Variants in CADM2 observed in about 807,000 individuals in gnomAD.
CADM2 encodes the protein cell adhesion molecule 2, also known as immunoglobulin superfamily member 4D.
CADM2 carries 12 observed loss-of-function variants against 49.8 expected under a neutral mutation model. The ratio of observed to expected loss-of-function variants is 0.24; its 90% CI spans 0.15 to 0.39. The LOEUF (loss-of-function observed/expected upper bound fraction) is 0.39. Ranked by LOEUF, CADM2 falls within the 10% of genes least tolerant of loss-of-function variation. The pLI is 1.00. For synonymous variants in CADM2, 214 were observed against 175.4 expected (o/e 1.22, Z -1.74); for missense variants, 378 against 492.3 (o/e 0.77, Z 2.20).
At chr3:85,950,393 A>G (rs947160439) in intron 7 of CADM2, among the ~76,000 whole-genome samples, 1 of 151,220 alleles carries the variant, frequency 6.6e-6, no homozygotes, top group Non-Finnish European at 1.5e-5. Context: ...CTCCTTCATG[A>G]TCATAGCAAT....
intron 2 of CADM2, among the ~76,000 whole-genome samples, chr3:85,787,884 C>T (rs1051131035): frequency 6.6e-6 from 1 of 152,044 alleles, no homozygotes; most frequent in Middle Eastern, 3.2e-3. Context: ...TGTGCCAGTC[C>T]TATTGATATT....
intron 1 of CADM2, among the ~76,000 whole-genome samples, chr3:84,963,595 T>C (rs1349923296): frequency 6.6e-6 from 1 of 152,138 alleles, no homozygotes. Context: ...TTTGCCGTGG[T>C]ATATTCTGGT....
At chr3:85,416,411 T>C (rs73136796) in intron 1 of CADM2, among the ~76,000 whole-genome samples, 9,014 of 152,218 alleles carry the variant, frequency 0.059, 429 homozygotes, top group Non-Finnish European at 0.085. Flanking sequence ...CTGAGATCCT[T>C]TGAAATAAAG....
chr3:85,191,874 C>T (rs1431084693), intron 1 of CADM2, among the ~76,000 whole-genome samples: 1 of 151,860 alleles, frequency 6.6e-6, no homozygotes, highest in Non-Finnish European at 1.5e-5. Flanking sequence ...TTTCAGAAGG[C>T]TTCCACATGT....
At chr3:85,850,489 T>A (rs1224881686) in intron 3 of CADM2, among the ~76,000 whole-genome samples, 1 of 151,850 alleles carries the variant, frequency 6.6e-6, no homozygotes, top group Non-Finnish European at 1.5e-5. Flanking sequence ...CACGCTCGGA[T>A]AATTTTTTGT....
At chr3:85,601,294 C>A (rs1037724200) in intron 1 of CADM2, among the ~76,000 whole-genome samples, 1 of 150,016 alleles carries the variant, frequency 6.7e-6, no homozygotes, top group Non-Finnish European at 1.5e-5. Context: ...TATGGCTATA[C>A]ATGAAATATT....
intron 1 of CADM2, among the ~76,000 whole-genome samples, chr3:85,042,602 G>T (rs1014161498): frequency 6.6e-6 from 1 of 151,972 alleles, no homozygotes; most frequent in Non-Finnish European, 1.5e-5. Flanking sequence ...AATTTCAAAG[G>T]AACAATTTAT....
intron 1 of CADM2, among the ~76,000 whole-genome samples, chr3:85,293,345 A>T (rs1028758211): frequency 5.3e-5 from 8 of 151,062 alleles, no homozygotes; most frequent in Non-Finnish European, 7.4e-5. Context: ...TCACAGCCGA[A>T]TTCTACCAGA....
chr3:85,225,114 G>A (rs1325188572), intron 1 of CADM2, among the ~76,000 whole-genome samples: 2 of 152,252 alleles, frequency 1.3e-5, no homozygotes, highest in East Asian at 3.9e-4. Flanking sequence ...GAACTTTAAA[G>A]TAGTTTTCCC....
intron 5 of CADM2, among the ~76,000 whole-genome samples, chr3:85,895,440 GTAAC>G (rs1160769411): frequency 6.6e-6 from 1 of 152,214 alleles, no homozygotes; most frequent in Non-Finnish European, 1.5e-5. Flanking sequence ...TATCTAAGAA[GTAAC>G]TAACTACATT....
intron 3 of CADM2, among the ~76,000 whole-genome samples, chr3:85,819,808 G>A (rs2073442309): frequency 6.6e-6 from 1 of 151,932 alleles, no homozygotes; most frequent in African/African-American, 2.4e-5. Flanking sequence ...ATTTATCAGA[G>A]GACAAAACAG....
At chr3:85,173,939 C>G (rs1470064941) in intron 1 of CADM2, among the ~76,000 whole-genome samples, 4 of 152,090 alleles carry the variant, frequency 2.6e-5, no homozygotes. Context: ...TTTAGGAGAG[C>G]TCTTAGAATC....
intron 1 of CADM2, among the ~76,000 whole-genome samples, chr3:85,349,330 T>A (rs2031100831): frequency 6.6e-6 from 1 of 152,240 alleles, no homozygotes; most frequent in Admixed American, 6.5e-5. Context: ...GTTCTGTTTC[T>A]TCGTGTGTTT....
At chr3:85,096,362 A>G (rs1361567939) in intron 1 of CADM2, among the ~76,000 whole-genome samples, 1 of 151,948 alleles carries the variant, frequency 6.6e-6, no homozygotes. Flanking sequence ...ATAGATCACT[A>G]AACATTCAGT....
intron 1 of CADM2, among the ~76,000 whole-genome samples, chr3:85,677,205 T>C (rs2065910491): frequency 6.6e-6 from 1 of 151,926 alleles, no homozygotes; most frequent in South Asian, 2.1e-4. Context: ...AGGGAATGAT[T>C]TTACAGATTT....
intron 5 of CADM2, among the ~76,000 whole-genome samples, chr3:85,905,916 T>A (rs1280392817): frequency 6.6e-6 from 1 of 152,144 alleles, no homozygotes; most frequent in Non-Finnish European, 1.5e-5. Context: ...TGCAAGTGAT[T>A]CATTTATTCA....
At chr3:85,218,097 CAT>C (rs1483848729) in intron 1 of CADM2, among the ~76,000 whole-genome samples, 2 of 151,698 alleles carry the variant, frequency 1.3e-5, no homozygotes, top group East Asian at 1.9e-4. Context: ...TTTTATTAGA[CAT>C]ATAATAATTA....
chr3:86,011,768 G>T (rs1201931487), intron 8 of CADM2, among the ~76,000 whole-genome samples: 1 of 152,024 alleles, frequency 6.6e-6, no homozygotes, highest in Non-Finnish European at 1.5e-5. Flanking sequence ...AAAGAAAAAT[G>T]CTAGAAATAG....
intron 3 of CADM2, among the ~76,000 whole-genome samples, chr3:85,856,643 A>G (rs2075328283): frequency 6.6e-6 from 1 of 152,220 alleles, no homozygotes; most frequent in African/African-American, 2.4e-5. Flanking sequence ...GGAAATGGTA[A>G]AATGCAAAAT....
Sources: gnomAD v4.1 joint callset for allele counts (sites outside exome capture counted in the v4.1 genomes callset) on GRCh38, gnomAD v4.1.1 for gene constraint, MANE v1.5 for transcripts, NCBI Gene and HGNC (gene_info 2026-07-23, HGNC 2026-07-21) for gene names.